EPB41L3: variants seen among roughly 807,000 people sequenced by gnomAD.
EPB41L3 encodes the protein band 4.1-like protein 3.
Under a neutral mutation model 127.1 loss-of-function variants are expected in EPB41L3, and 57 were observed. The ratio of observed to expected loss-of-function variants is 0.45; its 90% confidence interval spans 0.36 to 0.56. The LOEUF (loss-of-function observed/expected upper bound fraction) is 0.56, where lower values mean the gene tolerates loss of function less well. Among genes scored for constraint, EPB41L3 ranks in the 20% least tolerant of loss-of-function variants. The pLI, the probability that EPB41L3 is intolerant of heterozygous loss-of-function variation, is 0.00. For synonymous variants in EPB41L3, 572 were observed against 549.5 expected (o/e 1.04, Z -0.57); for missense variants, 1,273 against 1,372.2 (o/e 0.93, Z 1.14).
At chr18:5,581,160 T>G (rs2094390242) in intron 3 of EPB41L3, among the ~76,000 whole-genome samples, 1 of 152,212 alleles carries the variant, frequency 6.6e-6, no homozygotes, top group South Asian at 2.1e-4. Context: ...TGTAGCATTA[T>G]TTACATAAAC....
chr18:5,446,975 G>T (rs2081563668), intron 3 of EPB41L3, among the ~76,000 whole-genome samples: 1 of 152,118 alleles, frequency 6.6e-6, no homozygotes, highest in Non-Finnish European at 1.5e-5. Flanking sequence ...AAATTATGAA[G>T]TTTTCACAAA....
chr18:5,393,523 A>G (rs1046602506), intron 22 of EPB41L3, 45 bp from the exon 23 acceptor site: 9 of 700,404 alleles, frequency 1.3e-5, no homozygotes, highest in Non-Finnish European at 2.3e-5. Context: ...AAAACAACTG[A>G]AAGATTTTCT....
intron 1 of EPB41L3, among the ~76,000 whole-genome samples, chr18:5,524,819 G>A (rs2093159183): frequency 2.6e-5 from 4 of 152,126 alleles, no homozygotes. Flanking sequence ...CAGTGCACTG[G>A]CCAGGTCTGG....
chr18:5,394,601 G>A, intron 22 of EPB41L3, 76 bp downstream of exon 22: 1 of 1,055,592 alleles, frequency 9.5e-7, no homozygotes, highest in South Asian at 1.4e-5. Flanking sequence ...GGAGGGATCA[G>A]GTGAAGGATG....
chr18:5,474,384 T>A (rs1441423823), intron 3 of EPB41L3, among the ~76,000 whole-genome samples: 3 of 152,178 alleles, frequency 2.0e-5, no homozygotes, highest in Non-Finnish European at 2.9e-5. Flanking sequence ...AGTAAGTGTT[T>A]AGTCATTGCT....
intron 1 of EPB41L3, among the ~76,000 whole-genome samples, chr18:5,620,327 A>T: frequency 6.6e-6 from 1 of 152,224 alleles, no homozygotes. Flanking sequence ...ACTGTATACT[A>T]CAGAGACCAA....
intron 3 of EPB41L3, among the ~76,000 whole-genome samples, chr18:5,449,473 T>G (rs2146524201): frequency 6.6e-6 from 1 of 152,374 alleles, no homozygotes; most frequent in South Asian, 2.1e-4. Context: ...TCATGCTCCT[T>G]GGTATCTACC....
rs1053222140 is a variant in EPB41L3 at position 5,410,181 on chromosome 18, C to T, written c.2121+385G>A. On this transcript the variant is annotated intron_variant, in intron 14 of 22. Transcript: ENST00000341928. The stretch of plus-strand genomic sequence containing the variant: ...CCTTCTTCCCATTCATTCTATTATA[C>T]ATCTGTAGCCTCTCATTTGAGATAG... Among the ~76,000 whole-genome samples, 77 of 151,244 alleles carry T rather than the reference C, an allele frequency of 5.1e-4. 2 individuals are homozygous for T. The highest frequency in any genetic ancestry group is 1.8e-3 in the African/African-American group (74 of 41,042).
intron 1 of EPB41L3, among the ~76,000 whole-genome samples, chr18:5,496,215 A>G (rs552351564): frequency 1.3e-5 from 2 of 152,348 alleles, no homozygotes; most frequent in African/African-American, 4.8e-5. Context: ...CAACAAATAT[A>G]GTTTAGAATA....
Position 5,597,937 on chromosome 18 carries a change from A to C in EPB41L3, c.-306+14403T>G, listed in dbSNP as rs540976107. Among the ~76,000 whole-genome samples the C allele has an allele frequency of 3.3e-5, 5 of 152,244 alleles. No homozygotes were observed. In the East Asian group the frequency reaches 9.7e-4, roughly 29 times the overall value. On this transcript the variant is annotated intron_variant, in intron 3 of 21. Transcript: ENST00000545076. ...GCTCATCACCATGGGCATCTCCACC[A>C]CGTGTTTGAGTGCTCTCTCTGTCCC... is the stretch of plus-strand genomic sequence containing the variant.
In EPB41L3 at chr18:5,397,387, C is replaced by A; in HGVS notation, c.2512G>T (p.Glu838Ter). The change falls in exon 18 of 23, where the codon GAA (glutamate) becomes TAA (stop). Residue 838 changes from glutamate (E) to a stop codon, truncating the protein, a stop_gained. Coordinates refer to ENST00000341928, the MANE Select transcript of EPB41L3 (RefSeq NM_012307.5). LOFTEE classifies it high-confidence loss of function. The surrounding 1 kb of genome is among the most constrained non-coding windows in gnomAD (Gnocchi z 4.1). ...AGCGGCAGGTGGTGCACGGTGGGTT[C>A]CGTCTCTATTCCACTGGACTCCGTC... Reference protein sequence around the residue: ...TKTESSGIETEPTVHHLPLST... With the variant: ...TKTESSGIET 6.2e-7 allele frequency: 1 copy of A among 1,613,778 alleles called. No homozygotes were observed. The highest frequency in any genetic ancestry group is 1.1e-5 in the South Asian group (1 of 90,986).
intron 3 of EPB41L3, among the ~76,000 whole-genome samples, chr18:5,553,621 G>A (rs948478362): frequency 9.2e-5 from 14 of 152,188 alleles, no homozygotes; most frequent in East Asian, 1.9e-4. Context: ...GGGCAAAGGC[G>A]AATGCTCTCA....
intron 1 of EPB41L3, among the ~76,000 whole-genome samples, chr18:5,511,242 A>G (rs550096917): frequency 6.6e-6 from 1 of 151,858 alleles, no homozygotes; most frequent in East Asian, 1.9e-4. Flanking sequence ...GCACCGAGAC[A>G]GGAGGAAAAA....
chr18:5,473,232 G>C (rs539541112), intron 3 of EPB41L3, among the ~76,000 whole-genome samples: 21 of 152,154 alleles, frequency 1.4e-4, no homozygotes, highest in Non-Finnish European at 2.9e-4. Flanking sequence ...GGTCCTATAA[G>C]CAGTAAATTG....
intron 13 of EPB41L3, among the ~76,000 whole-genome samples, chr18:5,412,265 T>G (rs760192487): frequency 5.3e-5 from 8 of 151,912 alleles, no homozygotes; most frequent in South Asian, 2.1e-4. Flanking sequence ...TAGCACAATC[T>G]TGGCTCACTG....
upstream of EPB41L3, among the ~76,000 whole-genome samples, chr18:5,548,685 A>G (rs1372034462): frequency 1.3e-5 from 2 of 152,184 alleles, no homozygotes; most frequent in Non-Finnish European, 2.9e-5. Flanking sequence ...ATAAAATTGT[A>G]AGGGTTATTC....
intron 9 of EPB41L3, among the ~76,000 whole-genome samples, chr18:5,425,170 G>C (rs528574506): frequency 6.6e-6 from 1 of 152,158 alleles, no homozygotes; most frequent in African/African-American, 2.4e-5. Context: ...GGGTACTACT[G>C]CTATAATCAA....
intron 11 of EPB41L3, among the ~76,000 whole-genome samples, chr18:5,421,528 T>C (rs76590067): frequency 0.015 from 2,347 of 152,272 alleles, 39 homozygotes; most frequent in South Asian, 0.042. Flanking sequence ...CTGGAAACTC[T>C]TAGAAGACAC....
chr18:5,414,510 G>A (rs2076560396), intron 13 of EPB41L3, among the ~76,000 whole-genome samples: 1 of 152,072 alleles, frequency 6.6e-6, no homozygotes, highest in Admixed American at 6.5e-5. Flanking sequence ...ATACTCACAG[G>A]TGCAGCTCAA....
Sources: allele counts gnomAD v4.1 joint callset (sites outside exome capture counted in the v4.1 genomes callset), GRCh38; gene constraint gnomAD v4.1.1; non-coding constraint Gnocchi (gnomAD v3.1); transcripts MANE v1.5; gene names NCBI Gene and HGNC (gene_info 2026-07-23, HGNC 2026-07-21).